MICAL3: variants seen among roughly 807,000 people sequenced by gnomAD.
MICAL3 encodes [F-actin]-monooxygenase MICAL3.
MICAL3 carries 62 observed loss-of-function variants against 207.4 expected under a neutral mutation model. That is an observed-to-expected ratio of 0.30 (90% CI 0.24 to 0.37). The LOEUF (loss-of-function observed/expected upper bound fraction) is 0.37, where lower values mean the gene tolerates loss of function less well. Ranked by LOEUF, MICAL3 falls within the 10% of genes least tolerant of loss-of-function variation. The pLI is 1.00. For missense variants in MICAL3, 2,368 were observed against 2,635.6 expected (o/e 0.90, Z 2.22); for synonymous variants, 1,077 against 1,069.3 (o/e 1.01, Z -0.14).
At chr22:17,991,642 T>C (rs367979536) in intron 1 of MICAL3, among the ~76,000 whole-genome samples, 4 of 152,116 alleles carry the variant, frequency 2.6e-5, no homozygotes, top group Non-Finnish European at 4.4e-5. Flanking sequence ...AGATCAGGTG[T>C]TTAACTCATT....
At chr22:17,967,542 G>C (rs1382455536) in intron 1 of MICAL3, among the ~76,000 whole-genome samples, 2 of 151,748 alleles carry the variant, frequency 1.3e-5, no homozygotes, top group Non-Finnish European at 2.9e-5. Context: ...ACTGACAACA[G>C]CTCAGAAGAG....
intron 1 of MICAL3, among the ~76,000 whole-genome samples, chr22:17,965,917 G>A (rs1170475856): frequency 6.6e-6 from 1 of 152,160 alleles, no homozygotes; most frequent in Non-Finnish European, 1.5e-5. Flanking sequence ...CTGCACTCGA[G>A]GGTGGTCTGA....
chr22:17,902,015 C>T lies in MICAL3; in HGVS notation c.590-36G>A, dbSNP rs1602183107. 1.3e-6 allele frequency: 2 copies of T among 1,482,060 alleles called. No individual in the cohort carries two copies. Among genetic ancestry groups the T allele is most frequent in the South Asian group, 1.2e-5 (1 of 85,448 alleles). The allele number at this position is 1,482,060 out of a possible 1,614,324, so 91.8% of individuals were successfully genotyped here. On this transcript the variant is annotated intron_variant, in intron 4 of 31. Transcript: ENST00000441493. This position sits in a 1 kb window ranked among gnomAD's most constrained non-coding sequence, Gnocchi z 4.5. ...AAACCAAATAAATGGGGGTCACCAC[C>T]CAGACCACATTCACAGCCAGGACCA...
intron 1 of MICAL3, among the ~76,000 whole-genome samples, chr22:17,982,716 A>AAACAT (rs766998118): frequency 1.1e-5 from 1 of 90,494 alleles, no homozygotes; most frequent in Admixed American, 1.2e-4. Flanking sequence ...ATAACATAAC[A>AAACAT]AACATAACAT....
chr22:17,875,005 G>A (rs1282413904), intron 16 of MICAL3, among the ~76,000 whole-genome samples: 1 of 152,182 alleles, frequency 6.6e-6, no homozygotes, highest in African/African-American at 2.4e-5. Flanking sequence ...TGACAGCCGC[G>A]TACATTCCTC....
At chr22:17,847,086 T>A (rs1007795405) in intron 19 of MICAL3, among the ~76,000 whole-genome samples, 4 of 152,044 alleles carry the variant, frequency 2.6e-5, no homozygotes, top group African/African-American at 9.7e-5. Flanking sequence ...GTGCAGAGGA[T>A]ACTAAGAGGC....
At chr22:17,903,887 G>A (rs1602187224) in intron 3 of MICAL3, among the ~76,000 whole-genome samples, 1 of 152,354 alleles carries the variant, frequency 6.6e-6, no homozygotes, top group East Asian at 1.9e-4. Context: ...TTTCCTGAAA[G>A]CATTAATGAT....
chr22:17,831,961 G>T lies in MICAL3; in HGVS notation c.2948C>A (p.Ala983Asp). The change falls in exon 21 of 32, where the codon GCC becomes GAC. Residue 983 changes from alanine (A) to aspartate (D), a missense_variant. By Grantham distance (126) the Ala-to-Asp change is moderately radical. Transcript: ENST00000441493. ...LKGKSEEELE[A>D]SKSFGPGNEE... ...ATTCCCAGGCCCAAAGCTCTTTGAG[G>T]CCTCTAGCTCCTCTTCACTTTTCCC... is the stretch of plus-strand genomic sequence containing the variant. 1 of 1,587,802 alleles carries T rather than the reference G, an allele frequency of 6.3e-7. No homozygotes were observed. The highest frequency in any genetic ancestry group is 1.8e-5 in the Admixed American group (1 of 55,876).
intron 1 of MICAL3, among the ~76,000 whole-genome samples, chr22:17,949,706 G>T (rs1391659754): frequency 6.6e-6 from 1 of 152,214 alleles, no homozygotes; most frequent in Non-Finnish European, 1.5e-5. Flanking sequence ...CAATGCCAAG[G>T]ATGCGTCAGG....
chr22:17,968,186 T>C (rs1205514030), intron 1 of MICAL3, among the ~76,000 whole-genome samples: 3 of 151,404 alleles, frequency 2.0e-5, no homozygotes, highest in African/African-American at 4.9e-5. Flanking sequence ...TCCAGCAGAG[T>C]GAAGAGGAAA....
chr22:17,956,411 C>A (rs987038372), intron 1 of MICAL3, among the ~76,000 whole-genome samples: 1 of 152,166 alleles, frequency 6.6e-6, no homozygotes, highest in East Asian at 1.9e-4. Flanking sequence ...TGGTGGCTCA[C>A]GGCTATAATC....
chr22:17,791,191 A>G lies in MICAL3; in HGVS notation c.5750+11T>C. The G allele has an allele frequency of 1.2e-5, 20 of 1,613,194 alleles. No homozygotes were observed. The highest frequency in any genetic ancestry group is 1.7e-5 in the Non-Finnish European group (20 of 1,179,590). On this transcript the variant is annotated intron_variant, in intron 30 of 31. Transcript: ENST00000441493. ...GCATAGCGCTGACGCCCCCTACCCA[A>G]GGCCACTCACAAGATCATCAGCTCC...
chr22:17,880,723 G>A (rs1200802649), intron 16 of MICAL3, among the ~76,000 whole-genome samples: 2 of 152,214 alleles, frequency 1.3e-5, no homozygotes, highest in South Asian at 2.1e-4. Context: ...GCGTGCAAGT[G>A]CAGTGGGGAG....
rs1569150674 is a variant in MICAL3, at chr22:17,967,483, CACA to C, written c.-75+56795_-75+56797del. Among the ~76,000 whole-genome samples the C allele has an allele frequency of 5.7e-3, 780 of 136,278 alleles. 8 individuals carry two copies. The highest frequency in any genetic ancestry group is 0.017 in the African/African-American group (587 of 33,690). The allele number at this position is 136,278 out of a possible 152,430, so 89.4% of individuals were successfully genotyped here. A position where few individuals can be genotyped will look rare whatever the true frequency, so the allele number is the denominator to read the frequency against. ...ATGCAAACACACACACACACACACACACACACACACCCACACACACCCACTCAT... is the reference window on the plus strand; with the variant it reads ...ATGCAAACACACACACACACACACACCACACACCCACACACACCCACTCAT... On this transcript the variant is annotated intron_variant, in intron 1 of 31. Transcript: ENST00000441493.
chr22:17,812,438 G>GGCCGGC (rs1022224084), intron 27 of MICAL3: 3 of 844,108 alleles, frequency 3.6e-6, no homozygotes, highest in Non-Finnish European at 4.3e-6. Flanking sequence ...GGAGGGCCGG[G>GGCCGGC]GCCGGCGCCG....
At chr22:17,992,590 T>C (rs952562442) in intron 1 of MICAL3, among the ~76,000 whole-genome samples, 8 of 152,108 alleles carry the variant, frequency 5.3e-5, no homozygotes, top group Non-Finnish European at 8.8e-5. Flanking sequence ...TGTAAAGGAT[T>C]CCTGAAGTAG....
chr22:17,837,952 G>A (rs1445494051), intron 20 of MICAL3, among the ~76,000 whole-genome samples: 1 of 152,326 alleles, frequency 6.6e-6, no homozygotes, highest in Non-Finnish European at 1.5e-5. Flanking sequence ...GAGGAGCTGG[G>A]ACCACAGGAG....
intron 23 of MICAL3, 142 bp downstream of exon 23, chr22:17,822,805 G>T (rs376106539): frequency 3.4e-6 from 2 of 584,520 alleles, no homozygotes; most frequent in African/African-American, 1.9e-5. Context: ...TGGGTGGAAT[G>T]AGATGCATTC....
chr22:18,021,825 G>A (rs939600748), intron 1 of MICAL3, among the ~76,000 whole-genome samples: 6 of 152,188 alleles, frequency 3.9e-5, no homozygotes, highest in Admixed American at 3.9e-4. Context: ...GGTTGTGTAT[G>A]CTTTAAACAA....
Sources: allele counts gnomAD v4.1 joint callset (sites outside exome capture counted in the v4.1 genomes callset), GRCh38; gene constraint gnomAD v4.1.1; non-coding constraint Gnocchi (gnomAD v3.1); transcripts MANE v1.5; gene names NCBI Gene and HGNC (gene_info 2026-07-23, HGNC 2026-07-21).